The following CACNA2D1 variants were observed in gnomAD, a reference collection of about 807,000 sequenced individuals.
CACNA2D1 encodes calcium voltage-gated channel auxiliary subunit alpha2delta 1, also known as voltage-dependent calcium channel subunit alpha-2/delta-1.
A neutral mutation model predicts 171.5 loss-of-function variants in CACNA2D1; 53 were observed. The ratio of observed to expected loss-of-function variants is 0.31; its 90% CI spans 0.25 to 0.39. The LOEUF (loss-of-function observed/expected upper bound fraction) is 0.39, where lower values mean the gene tolerates loss of function less well. CACNA2D1 is among the 10% of genes least tolerant of loss of function. CACNA2D1 has a pLI of 1.00. For synonymous variants in CACNA2D1, 442 were observed against 443.1 expected (o/e 1.00, Z 0.03); for missense variants, 903 against 1,299.8 (o/e 0.69, Z 4.69).
At chr7:82,366,436 C>T (rs537501364) in intron 1 of CACNA2D1, among the ~76,000 whole-genome samples, 1 of 152,292 alleles carries the variant, frequency 6.6e-6, no homozygotes, top group African/African-American at 2.4e-5. Flanking sequence ...CATGTGCACC[C>T]AATGTTCACC....
At chr7:82,202,640 G>T (rs1799575974) in intron 3 of CACNA2D1, among the ~76,000 whole-genome samples, 1 of 146,266 alleles carries the variant, frequency 6.8e-6, no homozygotes, top group South Asian at 2.2e-4. Flanking sequence ...CCTGAGGGAT[G>T]CAGCGGAGGT....
At chr7:82,212,532 C>T (rs191763195) in intron 3 of CACNA2D1, among the ~76,000 whole-genome samples, 1 of 152,250 alleles carries the variant, frequency 6.6e-6, no homozygotes, top group Admixed American at 6.5e-5. Context: ...TTACTATGTG[C>T]TATCTTTTAT....
intron 6 of CACNA2D1, among the ~76,000 whole-genome samples, chr7:82,111,854 T>C (rs1255898402): frequency 1.3e-5 from 2 of 152,182 alleles, no homozygotes; most frequent in East Asian, 1.9e-4. Flanking sequence ...TATTTTGTTA[T>C]TGAAATCACA....
At chr7:82,048,025 C>G (rs1462660241) in intron 10 of CACNA2D1, among the ~76,000 whole-genome samples, 1 of 152,082 alleles carries the variant, frequency 6.6e-6, no homozygotes, top group Non-Finnish European at 1.5e-5. Flanking sequence ...GAAGTAATTT[C>G]TCATCTGTAC....
At chr7:82,348,346 T>C (rs941548733) in intron 2 of CACNA2D1, among the ~76,000 whole-genome samples, 1 of 152,138 alleles carries the variant, frequency 6.6e-6, no homozygotes, top group Non-Finnish European at 1.5e-5. Context: ...ACAATAACTT[T>C]CAAGTTTCTT....
intron 3 of CACNA2D1, among the ~76,000 whole-genome samples, chr7:82,290,614 G>C (rs79200765): frequency 7.4e-6 from 1 of 134,616 alleles, no homozygotes. Context: ...TTTTTTTTTT[G>C]AGAGGGAATT....
At chr7:82,390,024 C>A (rs1287191526) in intron 1 of CACNA2D1, among the ~76,000 whole-genome samples, 1 of 152,124 alleles carries the variant, frequency 6.6e-6, no homozygotes, top group Admixed American at 6.5e-5. Context: ...TCTCTGAGGT[C>A]TTCAGGGAAT....
rs539168168 is a variant in CACNA2D1 at position 82,414,643 on chromosome 7, A to C, written c.95+28722T>G. Among the ~76,000 whole-genome samples the C allele has an allele frequency of 2.6e-5, 4 of 152,348 alleles. No homozygotes were observed. The East Asian group carries it at 7.7e-4, about 29-fold the overall frequency. ...AGTCCTGAAAGAGAAGGCACACCAC[A>C]TTGATTCAGGCTACAAGTGATTCTG... is the stretch of plus-strand genomic sequence containing the variant. On this transcript the variant is annotated intron_variant, in intron 1 of 38. Transcript: ENST00000356860.
chr7:82,170,489 G>A, intron 4 of CACNA2D1, 61 bp downstream of exon 4: 1 of 1,066,604 alleles, frequency 9.4e-7, no homozygotes, highest in South Asian at 1.3e-5. Flanking sequence ...TAATATGCAT[G>A]TAATTATCCA....
At chr7:82,407,263 T>C (rs986781109) in intron 1 of CACNA2D1, among the ~76,000 whole-genome samples, 6 of 152,184 alleles carry the variant, frequency 3.9e-5, no homozygotes, top group South Asian at 4.1e-4. Context: ...AAAGAGGAAG[T>C]AGAAAATGAA....
chr7:82,254,688 A>G (rs886717442), intron 3 of CACNA2D1, among the ~76,000 whole-genome samples: 1 of 152,180 alleles, frequency 6.6e-6, no homozygotes, highest in Admixed American at 6.5e-5. Context: ...TGAGTTAGCA[A>G]TATGGTATCA....
intron 6 of CACNA2D1, among the ~76,000 whole-genome samples, chr7:82,099,317 A>C (rs2129032261): frequency 6.6e-6 from 1 of 152,104 alleles, no homozygotes; most frequent in Non-Finnish European, 1.5e-5. Context: ...CACTTCTAAC[A>C]ATTTGTAGTT....
intron 1 of CACNA2D1, among the ~76,000 whole-genome samples, chr7:82,367,244 G>A (rs62465967): frequency 3.8e-3 from 575 of 152,124 alleles, no homozygotes; most frequent in Middle Eastern, 0.01. Context: ...TCTGACTGCC[G>A]TGAGATGGTA....
At chr7:82,081,134 G>C (rs369553593) in intron 7 of CACNA2D1, among the ~76,000 whole-genome samples, 5 of 152,140 alleles carry the variant, frequency 3.3e-5, no homozygotes, top group African/African-American at 1.2e-4. Context: ...CAATTAAGTA[G>C]AAGTAACATA....
At chr7:81,984,893 A>G (rs1401814687) in intron 21 of CACNA2D1, among the ~76,000 whole-genome samples, 182 bp from the exon 22 acceptor site, 1 of 152,176 alleles carries the variant, frequency 6.6e-6, no homozygotes, top group African/African-American at 2.4e-5. Flanking sequence ...CTTGCCATCC[A>G]GAGTCATCTA....
chr7:82,040,461 A>AAC (rs1562909490), intron 10 of CACNA2D1, among the ~76,000 whole-genome samples: 2 of 142,020 alleles, frequency 1.4e-5, no homozygotes, highest in Middle Eastern at 4.0e-3. Context: ...TCAAAAAAAA[A>AAC]AAAAAAAAAA....
At chr7:81,959,591 C>A (rs535651925) in intron 37 of CACNA2D1, 129 bp downstream of exon 37, 5 of 1,036,210 alleles carry the variant, frequency 4.8e-6, no homozygotes, top group Non-Finnish European at 7.2e-6. Context: ...AGTGAGGAAT[C>A]GATTCTGCCT....
intron 6 of CACNA2D1, among the ~76,000 whole-genome samples, chr7:82,113,211 A>C (rs988044337): frequency 6.6e-6 from 1 of 152,126 alleles, no homozygotes; most frequent in Non-Finnish European, 1.5e-5. Context: ...TATACAAAGA[A>C]CTATCAATAC....
Position 81,946,632 on chromosome 7 carries a change from C to T in CACNA2D1, c.*3760G>A, listed in dbSNP as rs887047672. The T allele has an allele frequency of 2.0e-5, 3 of 152,162 alleles. No individual in the cohort carries two copies. In the East Asian group the frequency reaches 5.8e-4, roughly 29 times the overall value. The allele number at this position is 152,162 out of a possible 1,614,324, so 9.4% of individuals were successfully genotyped here. On this transcript the variant is annotated 3_prime_UTR_variant, in exon 39 of 39. Transcript: ENST00000356860. ...TAAAGGGGAGAAAAGATCTATTGTT[C>T]ACAAAAGCCAGTTGGCCTTTTGCAT...
Sources: allele counts gnomAD v4.1 joint callset (sites outside exome capture counted in the v4.1 genomes callset), GRCh38; gene constraint gnomAD v4.1.1; transcripts MANE v1.5; gene names NCBI Gene and HGNC (gene_info 2026-07-23, HGNC 2026-07-21).